Variants in TLE7 observed in about 807,000 individuals in gnomAD.
TLE7 encodes the protein transducin-like enhancer protein 7.
rs2042803260 is a variant in TLE7 at position 71,431,476 on chromosome 16, T to C, written c.938A>G (p.Tyr313Cys). Residue 313 changes from tyrosine to cysteine, a missense_variant, in exon 7 of 10, where the codon TAT (tyrosine) becomes TGT (cysteine). Transcript: ENST00000561754. The surrounding 1 kb of genome is among the most constrained non-coding windows in gnomAD (Gnocchi z 4.5). ...FWTGGEDTIL[Y>C]SWDLRSYQRL... Reference sequence around the variant, plus strand: ...CTGGTAGCTCCTCAGGTCCCAGGAATACAGGATGGTGTCTTCACCTCCTGT... The same window carrying C: ...CTGGTAGCTCCTCAGGTCCCAGGAACACAGGATGGTGTCTTCACCTCCTGT... 7.5e-6 allele frequency: 3 copies of C among 400,808 alleles called. No individual in the cohort carries two copies. The highest frequency in any genetic ancestry group is 8.8e-6 in the Non-Finnish European group (2 of 226,250). 24.8% of individuals were successfully genotyped at this position (400,808 alleles called of 1,614,324 possible).
chr16:71,431,919 A>G lies in TLE7; in HGVS notation c.693T>C (p.Thr231=). The G allele has an allele frequency of 5.0e-6, 2 of 400,592 alleles. No homozygotes were observed. The highest frequency in any genetic ancestry group is 8.8e-6 in the Non-Finnish European group (2 of 226,252). The allele number at this position is 400,592 out of a possible 1,614,324, so 24.8% of individuals were successfully genotyped here. A position where few individuals can be genotyped will look rare whatever the true frequency, so the allele number is the denominator to read the frequency against. ...GGGGGGTGGGTGCCAAGTCCCAGAG[A>G]GTCACGGCCTGGGACGCACCCCCTG... ...LITGGASQAV[T]LWDLAPTPQV... The change falls in exon 6 of 10, where the codon ACT becomes ACC. Residue 231 remains threonine (T), a synonymous_variant. Coordinates refer to ENST00000561754, the MANE Select transcript of TLE7 (RefSeq NM_001367365.2). This position sits in a 1 kb window ranked among gnomAD's most constrained non-coding sequence, Gnocchi z 4.5.
chr16:71,440,473 G>C (rs958506055), intron 1 of TLE7, among the ~76,000 whole-genome samples: 3 of 133,182 alleles, frequency 2.3e-5, no homozygotes, highest in Admixed American at 1.4e-4. Flanking sequence ...GCGAGACTGC[G>C]CCTCAAAAGA....
rs1319627391 is a variant in TLE7 at position 71,431,534 on chromosome 16, G to A, written c.880C>T (p.Arg294Ter). 3 of 400,720 alleles carry A rather than the reference G, an allele frequency of 7.5e-6. No individual in the cohort carries two copies. The highest frequency in any genetic ancestry group is 8.8e-6 in the Non-Finnish European group (2 of 226,236). 24.8% of individuals were successfully genotyped at this position (400,720 alleles called of 1,614,324 possible). A position where few individuals can be genotyped will look rare whatever the true frequency, so the allele number is the denominator to read the frequency against. The stretch of plus-strand genomic sequence containing the variant: ...ATATTGCCGGTGATGTCCACACATC[G>A]GGACCCGTATACAGGAACTTCGTGC... ...RKHEVPVYGS[R>*]CVDITGNIFW... The change falls in exon 7 of 10, where the codon CGA (arginine) becomes TGA (stop). Residue 294 changes from arginine to a stop codon, truncating the protein, a stop_gained. Transcript: ENST00000561754. LOFTEE classifies it high-confidence loss of function. This position sits in a 1 kb window ranked among gnomAD's most constrained non-coding sequence, Gnocchi z 4.5.
intron 5 of TLE7, 25 bp downstream of exon 5, chr16:71,432,085 G>A: frequency 2.5e-6 from 1 of 401,100 alleles, no homozygotes; most frequent in East Asian, 3.6e-5. Context: ...AGAGTTCCCT[G>A]AGTCCTGCTT....
At chr16:71,437,210 A>G (rs2145045863) in intron 1 of TLE7, among the ~76,000 whole-genome samples, 1 of 152,174 alleles carries the variant, frequency 6.6e-6, no homozygotes, top group East Asian at 1.9e-4. Context: ...TTAGCTGGGC[A>G]TGATGGTGCG....
At chr16:71,432,584 G>A in intron 4 of TLE7, 81 bp downstream of exon 4, 1 of 398,742 alleles carries the variant, frequency 2.5e-6, no homozygotes. Flanking sequence ...ATGGGAGAGA[G>A]AGTGAAAGTG....
In TLE7 at chr16:71,433,025, C is replaced by G; in HGVS notation, c.300G>C (p.Glu100Asp). 1 of 398,806 alleles carries G rather than the reference C, an allele frequency of 2.5e-6. No individual in the cohort carries two copies. The highest frequency in any genetic ancestry group is 4.4e-6 in the Non-Finnish European group (1 of 226,182). The allele number at this position is 398,806 out of a possible 1,614,324, so 24.7% of individuals were successfully genotyped here. ...CAAGCAAGACCTGCCTTGGGCTGGA[C>G]TCTGCTGCTTCTCCTGGTTGTGCAT... ...LPDAQPGEAA[E>D]SSPSFLLGSE... The change falls in exon 2 of 10, where the codon GAG (glutamate) becomes GAC (aspartate). Residue 100 changes from glutamate (E) to aspartate (D), a missense_variant. Physicochemically the swap from Glu to Asp is conservative, Grantham distance 45 (BLOSUM62 2). Transcript: ENST00000561754.
chr16:71,431,967 G>T lies in TLE7; in HGVS notation c.645C>A (p.Phe215Leu), dbSNP rs553963009. 1 of 400,780 alleles carries T rather than the reference G, an allele frequency of 2.5e-6. No individual in the cohort carries two copies. Among genetic ancestry groups the T allele is most frequent in the Admixed American group, 4.4e-5 (1 of 22,756 alleles). The allele number at this position is 400,780 out of a possible 1,614,324, so 24.8% of individuals were successfully genotyped here. The change falls in exon 6 of 10, where the codon TTC becomes TTA. Residue 215 changes from phenylalanine to leucine, a missense_variant. Physicochemically the swap from Phe to Leu is conservative, Grantham distance 22. Coordinates refer to ENST00000561754, the MANE Select transcript of TLE7 (RefSeq NM_001367365.2). The surrounding 1 kb of genome is among the most constrained non-coding windows in gnomAD (Gnocchi z 4.5). ...CTGTGATCAGGCTCCGCTCATCAGGGAACAGCTTGCAGGTAACAACACGGT... is the reference window on the plus strand; with the variant it reads ...CTGTGATCAGGCTCCGCTCATCAGGTAACAGCTTGCAGGTAACAACACGGT... ...PQDRVVTCKLFPDERSLITGG... is the reference protein window; with the variant it reads ...PQDRVVTCKLLPDERSLITGG...
intron 1 of TLE7, among the ~76,000 whole-genome samples, 169 bp from the exon 2 acceptor site, chr16:71,433,589 A>G (rs2042815682): frequency 6.6e-6 from 1 of 152,212 alleles, no homozygotes; most frequent in Admixed American, 6.5e-5. Flanking sequence ...AGCGTCACAC[A>G]AGCACTTTGA....
At chr16:71,432,833 T>C in intron 3 of TLE7, 37 bp downstream of exon 3, 1 of 399,188 alleles carries the variant, frequency 2.5e-6, no homozygotes, top group Admixed American at 4.4e-5. Context: ...GGGGCCCAGC[T>C]TGGGCAACCA....
intron 1 of TLE7, among the ~76,000 whole-genome samples, chr16:71,435,695 A>G (rs1409038070): frequency 4.6e-5 from 7 of 152,230 alleles, no homozygotes; most frequent in African/African-American, 1.7e-4. Context: ...ATATTTCTGG[A>G]CATTCAAACC....
intron 1 of TLE7, among the ~76,000 whole-genome samples, chr16:71,438,204 G>A (rs1399763252): frequency 1.3e-5 from 2 of 151,984 alleles, no homozygotes; most frequent in African/African-American, 2.4e-5. Context: ...AGGCCGAGGC[G>A]GGTGGATCAC....
In TLE7 at chr16:71,432,112, G is replaced by A. The variant is rs1169422238; in HGVS notation, c.607C>T (p.Gln203Ter). 2 of 401,118 alleles carry A rather than the reference G, an allele frequency of 5.0e-6. No homozygotes were observed. Among genetic ancestry groups the A allele is most frequent in the African/African-American group, 4.1e-5 (2 of 48,738 alleles). 24.8% of individuals were successfully genotyped at this position (401,118 alleles called of 1,614,324 possible). A position where few individuals can be genotyped will look rare whatever the true frequency, so the allele number is the denominator to read the frequency against. The change falls in exon 5 of 10, where the codon CAG (glutamine) becomes TAG (stop). Residue 203 changes from glutamine (Q) to a stop codon, truncating the protein, a stop_gained and splice_region_variant. Transcript: ENST00000561754. LOFTEE classifies it high-confidence loss of function. ...EKAPRAQLDL[Q>*]HPQDRVVTCK... ...GTCCTGCTTTGGATCTCCCTCACCT[G>A]CAAGTCCAGCTGGGCCCGAGGGGCC...
At chr16:71,436,138 A>T (rs1157311473) in intron 1 of TLE7, among the ~76,000 whole-genome samples, 2 of 151,382 alleles carry the variant, frequency 1.3e-5, no homozygotes, top group African/African-American at 4.9e-5. Flanking sequence ...GCTCACTCAA[A>T]CCCCCCATGG....
intron 1 of TLE7, among the ~76,000 whole-genome samples, chr16:71,436,781 C>A (rs1162636657): frequency 6.6e-6 from 1 of 152,216 alleles, no homozygotes; most frequent in Non-Finnish European, 1.5e-5. Flanking sequence ...TGGCTCTGGG[C>A]CTCTAATCTT....
At chr16:71,434,132 C>T (rs758318797) in intron 1 of TLE7, among the ~76,000 whole-genome samples, 11 of 152,206 alleles carry the variant, frequency 7.2e-5, no homozygotes, top group Middle Eastern at 6.8e-3. Flanking sequence ...CCTACTTGGA[C>T]GGGGCAAGGC....
chr16:71,431,234 A>G lies in TLE7; in HGVS notation c.1034T>C (p.Leu345Ser). 1 of 400,416 alleles carries G rather than the reference A, an allele frequency of 2.5e-6. No individual in the cohort carries two copies. Among genetic ancestry groups the G allele is most frequent in the Non-Finnish European group, 4.4e-6 (1 of 226,250 alleles). 24.8% of individuals were successfully genotyped at this position (400,416 alleles called of 1,614,324 possible). ...GATATCACTCGTTCTCAGGCCCGCC[A>G]ATACCCATTCTTCACCGGGGTCGTG... is the stretch of plus-strand genomic sequence containing the variant. ...ITHDPGEEWV[L>S]AGLRTSDIVF... The change falls in exon 8 of 10, where the codon TTG (leucine) becomes TCG (serine). Residue 345 changes from leucine (L) to serine (S), a missense_variant. Leu to Ser is a moderately radical substitution (Grantham distance 145). Transcript: ENST00000561754. The surrounding 1 kb of genome is among the most constrained non-coding windows in gnomAD (Gnocchi z 4.5).
At chr16:71,440,935 G>T (rs1156840604) in intron 1 of TLE7, among the ~76,000 whole-genome samples, 1 of 152,168 alleles carries the variant, frequency 6.6e-6, no homozygotes, top group Admixed American at 6.5e-5. Flanking sequence ...CCTTGCCAAG[G>T]CCCCTTCCTC....
At chr16:71,436,114 A>G (rs1015052484) in intron 1 of TLE7, among the ~76,000 whole-genome samples, 8 of 152,086 alleles carry the variant, frequency 5.3e-5, no homozygotes, top group African/African-American at 1.7e-4. Flanking sequence ...AGCCCCCAGA[A>G]TGCTGGTCTG....
Sources: allele counts gnomAD v4.1 joint callset (sites outside exome capture counted in the v4.1 genomes callset), GRCh38; gene constraint gnomAD v4.1.1; non-coding constraint Gnocchi (gnomAD v3.1); transcripts MANE v1.5; gene names NCBI Gene and HGNC (gene_info 2026-07-23, HGNC 2026-07-21).